SYT3: variants seen among roughly 807,000 people sequenced by gnomAD.
The protein encoded by SYT3 is synaptotagmin-3.
In SYT3, 25 loss-of-function variants were observed where a neutral mutation model predicts 50.6. The ratio of observed to expected loss-of-function variants is 0.49; its 90% CI spans 0.36 to 0.69. The LOEUF (loss-of-function observed/expected upper bound fraction) is 0.69. Ranked by LOEUF, SYT3 falls within the 30% of genes least tolerant of loss-of-function variation. The probability of loss-of-function intolerance (pLI) is 0.00; values close to 1 mark genes in which losing one functional copy is unlikely to be tolerated. For synonymous variants in SYT3, 323 were observed against 353.9 expected, an observed-to-expected ratio of 0.91 and a Z score of 0.98; for missense variants, 589 against 793.6, an observed-to-expected ratio of 0.74 and a Z score of 3.10.
In SYT3 at chr19:50,625,755, GGCCCC is replaced by G; in HGVS notation, c.1402+137_1402+141del. The G allele has an allele frequency of 1.8e-5, 17 of 922,802 alleles. No homozygotes were observed. Among genetic ancestry groups the G allele is most frequent in the Middle Eastern group, 3.5e-4 (1 of 2,824 alleles). 57.2% of individuals were successfully genotyped at this position (922,802 alleles called of 1,614,324 possible). On this transcript the variant is annotated intron_variant, in intron 7 of 10. Transcript: ENST00000600079. This position sits in a 1 kb window ranked among gnomAD's most constrained non-coding sequence, Gnocchi z 7.5. ...CTCCGACCCAGGAGTCCAGGCCCCT[GGCCCC>G]TCCTCCCTCAGACCCAGGAGTCCAG...
At chr19:50,624,538 C>T (rs1483615065) in intron 9 of SYT3, among the ~76,000 whole-genome samples, 1 of 146,844 alleles carries the variant, frequency 6.8e-6, no homozygotes, top group Non-Finnish European at 1.5e-5. Flanking sequence ...CCTGATCAAG[C>T]GATAATCTTA....
intron 3 of SYT3, among the ~76,000 whole-genome samples, chr19:50,634,572 CTTTTTTTTTTTTTTT>C (rs3028785): frequency 1.3e-5 from 1 of 74,220 alleles, no homozygotes; most frequent in East Asian, 6.0e-4. Flanking sequence ...TCTTGGGGTG[CTTTTTTTTTTTTTTT>C]TTTTTTTTTT....
chr19:50,651,978 T>C, the SYT3 span, among the ~76,000 whole-genome samples: 7 of 152,176 alleles, frequency 4.6e-5, no homozygotes, highest in Non-Finnish European at 5.9e-5. Context: ...ACAAGGCTAT[T>C]TTTTAAAATT....
the SYT3 span, chr19:50,649,331 G>A: frequency 2.0e-6 from 2 of 994,562 alleles, no homozygotes; most frequent in South Asian, 1.4e-5. Flanking sequence ...TCTACCCCGG[G>A]GCTTCAAAGA....
chr19:50,637,587 GGAA>G lies in SYT3; in HGVS notation c.-15-164_-15-162del, dbSNP rs1984539128. 6.7e-6 allele frequency: 4 copies of G among 595,206 alleles called. No homozygotes were observed. The highest frequency in any genetic ancestry group is 1.2e-5 in the Non-Finnish European group (4 of 345,246). 36.9% of individuals were successfully genotyped at this position (595,206 alleles called of 1,614,324 possible). A position where few individuals can be genotyped will look rare whatever the true frequency, so the allele number is the denominator to read the frequency against. Reference sequence around the variant, plus strand: ...AGATGGATTAGGGATGGAGATTCGAGGAAGAAGGACAAGGTGACAGGTATTAGG... The same window carrying G: ...AGATGGATTAGGGATGGAGATTCGAGGAAGGACAAGGTGACAGGTATTAGG... On this transcript the variant is annotated intron_variant, in intron 2 of 10. Coordinates refer to ENST00000600079, the MANE Select transcript of SYT3 (RefSeq NM_001160329.2). This position sits in a 1 kb window ranked among gnomAD's most constrained non-coding sequence, Gnocchi z 4.9.
chr19:50,652,802 G>A, the SYT3 span, among the ~76,000 whole-genome samples: 2 of 152,264 alleles, frequency 1.3e-5, no homozygotes, highest in East Asian at 3.9e-4. Flanking sequence ...GGTAACTGGA[G>A]AGCGAGAGGA....
At chr19:50,653,827 G>A in the SYT3 span, among the ~76,000 whole-genome samples, 1 of 151,778 alleles carries the variant, frequency 6.6e-6, no homozygotes, top group Non-Finnish European at 1.5e-5. Context: ...CACGGGGGTG[G>A]GGCTTTGCTC....
At chr19:50,649,635 C>T in the SYT3 span, 1 of 1,089,022 alleles carries the variant, frequency 9.2e-7, no homozygotes, top group Non-Finnish European at 1.3e-6. Flanking sequence ...CCATCCCTAG[C>T]ATTCCTGGAT....
At chr19:50,626,121 G>T in intron 6 of SYT3, 104 bp from the exon 7 acceptor site, 1 of 1,469,692 alleles carries the variant, frequency 6.8e-7, no homozygotes, top group Non-Finnish European at 9.1e-7. Context: ...CTGACATCCA[G>T]GGCTCAGGCT....
intron 9 of SYT3, among the ~76,000 whole-genome samples, chr19:50,624,592 G>A (rs188908485): frequency 3.3e-4 from 46 of 141,140 alleles, no homozygotes; most frequent in Middle Eastern, 4.2e-3. Context: ...TTGCTCTGTC[G>A]CCCAGGCTGG....
intron 9 of SYT3, among the ~76,000 whole-genome samples, chr19:50,623,613 CAAAAAAAAAAAAAAAAAAAAAAAAAAAA>C (rs529397903): frequency 1.3e-4 from 12 of 91,622 alleles, no homozygotes; most frequent in South Asian, 4.5e-4. Context: ...CCTGTCTCTA[CAAAAAAAAAAAAAAAAAAAAAAAAAAAA>C]AAAAAAAAAA....
the SYT3 span, among the ~76,000 whole-genome samples, chr19:50,647,861 T>C: frequency 2.8e-4 from 43 of 152,016 alleles, no homozygotes; most frequent in Non-Finnish European, 4.4e-4. Context: ...CCCGCTGAGA[T>C]AAAATTGCCA....
the SYT3 span, among the ~76,000 whole-genome samples, chr19:50,647,066 G>A: frequency 5.3e-5 from 8 of 152,174 alleles, no homozygotes; most frequent in South Asian, 2.1e-4. Context: ...TCCTGACCTC[G>A]TGATCCGCCC....
At chr19:50,624,460 A>G (rs1983967932) in intron 9 of SYT3, among the ~76,000 whole-genome samples, 1 of 151,822 alleles carries the variant, frequency 6.6e-6, no homozygotes, top group African/African-American at 2.4e-5. Flanking sequence ...TGCCAATAAC[A>G]CTTTCTAAAG....
At chr19:50,653,259 G>A in the SYT3 span, among the ~76,000 whole-genome samples, 3 of 152,080 alleles carry the variant, frequency 2.0e-5, no homozygotes, top group African/African-American at 4.8e-5. Flanking sequence ...GGCTGGTCTC[G>A]AACTCCTGAG....
At chr19:50,643,803 A>G (rs982499440), upstream of SYT3, among the ~76,000 whole-genome samples, 1 of 152,142 alleles carries the variant, frequency 6.6e-6, no homozygotes, top group Non-Finnish European at 1.5e-5. Flanking sequence ...GAGACAGAAA[A>G]TAATCAAATA....
intron 4 of SYT3, among the ~76,000 whole-genome samples, chr19:50,631,746 A>C (rs1599817754): frequency 6.7e-6 from 1 of 148,610 alleles, no homozygotes; most frequent in African/African-American, 2.5e-5. Flanking sequence ...TTCCTGTCTC[A>C]CCAACCTGGC....
At chr19:50,652,591 C>T in the SYT3 span, among the ~76,000 whole-genome samples, 3 of 152,092 alleles carry the variant, frequency 2.0e-5, no homozygotes, top group East Asian at 1.9e-4. Context: ...AGAAAAACAG[C>T]GTTTTTGGAC....
chr19:50,642,880 A>C (rs965014942), upstream of SYT3, among the ~76,000 whole-genome samples: 4 of 152,228 alleles, frequency 2.6e-5, no homozygotes, highest in South Asian at 6.2e-4. Context: ...TCACTGGGTT[A>C]TTTTGAGGGT....
Sources: gnomAD v4.1 joint callset for allele counts (sites outside exome capture counted in the v4.1 genomes callset) on GRCh38, gnomAD v4.1.1 for gene constraint, Gnocchi (gnomAD v3.1) non-coding constraint, MANE v1.5 for transcripts, NCBI Gene and HGNC (gene_info 2026-07-23, HGNC 2026-07-21) for gene names.